GBE1: variants seen among roughly 807,000 people sequenced by gnomAD.
GBE1 encodes the protein 1,4-alpha-glucan-branching enzyme.
A neutral mutation model predicts 88.8 loss-of-function variants in GBE1; 70 were observed. The ratio of observed to expected loss-of-function variants is 0.79; its 90% confidence interval spans 0.65 to 0.96. The LOEUF (loss-of-function observed/expected upper bound fraction) is 0.96. Ranked by LOEUF, GBE1 falls within the 40% of genes least tolerant of loss-of-function variation. The pLI is 0.00. For synonymous variants in GBE1, 284 were observed against 300.1 expected, an observed-to-expected ratio of 0.95 and a Z score of 0.56; for missense variants, 872 against 871.0, an observed-to-expected ratio of 1.00 and a Z score of -0.01.
At chr3:81,513,335 A>G (rs1702749750) in intron 14 of GBE1, among the ~76,000 whole-genome samples, 1 of 151,736 alleles carries the variant, frequency 6.6e-6, no homozygotes, top group African/African-American at 2.4e-5. Flanking sequence ...GAGATTTAAC[A>G]GGGAACAGAA....
intron 2 of GBE1, among the ~76,000 whole-genome samples, chr3:81,671,798 T>C (rs531991143): frequency 3.3e-5 from 5 of 152,164 alleles, no homozygotes. Flanking sequence ...ATAAAACTTT[T>C]AAGACTGATA....
At chr3:81,745,267 C>T (rs1418975544) in intron 1 of GBE1, among the ~76,000 whole-genome samples, 2 of 152,084 alleles carry the variant, frequency 1.3e-5, no homozygotes, top group African/African-American at 2.4e-5. Context: ...ACTGTGACCA[C>T]CAAAAAATTA....
chr3:81,742,284 G>A (rs990701251), intron 1 of GBE1, among the ~76,000 whole-genome samples: 6 of 151,886 alleles, frequency 4.0e-5, no homozygotes, highest in African/African-American at 9.7e-5. Context: ...GAACTTGAAC[G>A]TTATAAAAAA....
chr3:81,697,386 G>A (rs1021213586), intron 2 of GBE1, among the ~76,000 whole-genome samples: 7 of 145,306 alleles, frequency 4.8e-5, no homozygotes, highest in Non-Finnish European at 4.5e-5. Flanking sequence ...TGCAACCTCC[G>A]TCTCCCAGGT....
chr3:81,581,341 T>C (rs991402582), intron 10 of GBE1, 66 bp from the exon 11 acceptor site: 51 of 885,294 alleles, frequency 5.8e-5, no homozygotes, highest in Non-Finnish European at 5.4e-5. Context: ...TAAATCACAA[T>C]CTGAAGTTAT....
At chr3:81,702,918 C>T (rs1010769068) in intron 2 of GBE1, among the ~76,000 whole-genome samples, 1 of 151,932 alleles carries the variant, frequency 6.6e-6, no homozygotes, top group Non-Finnish European at 1.5e-5. Flanking sequence ...TATGACAGTT[C>T]ACAAATCTAG....
At chr3:81,714,729 G>A (rs573339992) in intron 1 of GBE1, among the ~76,000 whole-genome samples, 3 of 152,176 alleles carry the variant, frequency 2.0e-5, no homozygotes, top group Middle Eastern at 3.4e-3. Flanking sequence ...TAGACTGGAC[G>A]GTTTAAAAAA....
intron 10 of GBE1, among the ~76,000 whole-genome samples, chr3:81,582,188 G>A (rs999076996): frequency 2.6e-5 from 4 of 152,008 alleles, no homozygotes; most frequent in African/African-American, 9.7e-5. Context: ...ATTGCAGTGC[G>A]AATCTTTGGG....
intron 3 of GBE1, among the ~76,000 whole-genome samples, chr3:81,660,609 T>A (rs1705012409): frequency 6.6e-6 from 1 of 152,106 alleles, no homozygotes; most frequent in Non-Finnish European, 1.5e-5. Context: ...AAAAATTATA[T>A]GTTCATGAGA....
intron 2 of GBE1, among the ~76,000 whole-genome samples, chr3:81,677,678 C>T (rs1046681066): frequency 5.9e-5 from 9 of 151,992 alleles, no homozygotes; most frequent in African/African-American, 1.9e-4. Flanking sequence ...ACATATTGCC[C>T]TGTGCTGTTT....
At chr3:81,679,700 G>A (rs9862555) in intron 2 of GBE1, among the ~76,000 whole-genome samples, 12,926 of 152,030 alleles carry the variant, frequency 0.085, 1,140 homozygotes, top group African/African-American at 0.22. Flanking sequence ...TCTCTCCAAT[G>A]CTATTGTTGC....
At position 81,750,570 on chromosome 3, in the gene GBE1, TATATAC is replaced by T. The variant is rs1706490660; in HGVS notation, c.143+10799_143+10804del. On this transcript the variant is annotated intron_variant, in intron 1 of 15. Coordinates refer to ENST00000429644, the MANE Select transcript of GBE1 (RefSeq NM_000158.4). The stretch of plus-strand genomic sequence containing the variant: ...ATATATGTATATATATATGTATATA[TATATAC>T]GTATATATATACGTATATATATATG... 2.7e-3 allele frequency among the ~76,000 whole-genome samples: 178 copies of T among 65,904 alleles called. 18 individuals carry two copies. Among genetic ancestry groups the T allele is most frequent in the Middle Eastern group, 0.012 (2 of 168 alleles). The allele number at this position is 65,904 out of a possible 152,430, so 43.2% of individuals were successfully genotyped here.
chr3:81,731,946 T>G (rs577598736), intron 1 of GBE1, among the ~76,000 whole-genome samples: 12 of 152,212 alleles, frequency 7.9e-5, no homozygotes, highest in African/African-American at 2.9e-4. Flanking sequence ...TAAAATCTCT[T>G]CTTAATTCCC....
rs1706221220 is a variant in GBE1, at chr3:81,733,926, A to C, written c.143+27449T>G. Among the ~76,000 whole-genome samples, 1 of 152,190 alleles carries C rather than the reference A, an allele frequency of 6.6e-6. No homozygotes were observed. The highest frequency in any genetic ancestry group is 2.4e-5 in the African/African-American group (1 of 41,448). ...ATGGATTCTGTTTCTACACTTGAAC[A>C]AAAGGTGAGAGTTGTACAAATTTGC... On this transcript the variant is annotated intron_variant, in intron 1 of 15. Coordinates refer to ENST00000429644, the MANE Select transcript of GBE1 (RefSeq NM_000158.4). The surrounding 1 kb of genome is among the most constrained non-coding windows in gnomAD (Gnocchi z 4.0).
intron 14 of GBE1, among the ~76,000 whole-genome samples, chr3:81,518,283 C>CA (rs1223370642): frequency 6.6e-6 from 1 of 151,176 alleles, no homozygotes. Flanking sequence ...AGCTATGAAA[C>CA]AAAAAAACCA....
chr3:81,502,619 A>G (rs1012645737), intron 14 of GBE1, among the ~76,000 whole-genome samples: 1 of 152,200 alleles, frequency 6.6e-6, no homozygotes, highest in Non-Finnish European at 1.5e-5. Flanking sequence ...AAGTATCAGG[A>G]AACTACATGT....
At chr3:81,493,825 T>C (rs1301430507) in intron 15 of GBE1, among the ~76,000 whole-genome samples, 1 of 141,380 alleles carries the variant, frequency 7.1e-6, no homozygotes. Flanking sequence ...ACCACACCCA[T>C]CCGAGAGGGT....
intron 14 of GBE1, among the ~76,000 whole-genome samples, chr3:81,527,897 G>T (rs938410118): frequency 1.3e-5 from 2 of 151,840 alleles, no homozygotes; most frequent in Admixed American, 6.6e-5. Context: ...AAATCATGCC[G>T]CTATAAAGAC....
intron 1 of GBE1, among the ~76,000 whole-genome samples, chr3:81,739,305 C>A (rs796372217): frequency 2.2e-4 from 34 of 152,282 alleles, no homozygotes; most frequent in African/African-American, 7.7e-4. Flanking sequence ...GATACACTGT[C>A]AGCCTACCCA....
Sources: allele counts gnomAD v4.1 joint callset (sites outside exome capture counted in the v4.1 genomes callset), GRCh38; gene constraint gnomAD v4.1.1; non-coding constraint Gnocchi (gnomAD v3.1); transcripts MANE v1.5; gene names NCBI Gene and HGNC (gene_info 2026-07-23, HGNC 2026-07-21).